The following TAB1 variants were observed in gnomAD, a reference collection of about 807,000 sequenced individuals.
TAB1 encodes TGF-beta activated kinase 1 (MAP3K7) binding protein 1, also known as TGF-beta-activated kinase 1 and MAP3K7-binding protein 1.
Under a neutral mutation model 54.5 loss-of-function variants are expected in TAB1, and 30 were observed. That is an observed-to-expected ratio of 0.55 (90% confidence interval 0.41 to 0.75). The LOEUF is 0.75. TAB1 is among the 30% of genes least tolerant of loss of function. The probability of loss-of-function intolerance (pLI) is 0.00; values close to 1 mark genes in which losing one functional copy is unlikely to be tolerated. For missense variants in TAB1, 609 were observed against 683.2 expected (o/e 0.89, Z 1.21); for synonymous variants, 289 against 286.9 (o/e 1.01, Z -0.07).
At chr22:39,409,814 T>C (rs1389786268) in intron 1 of TAB1, among the ~76,000 whole-genome samples, 1 of 152,180 alleles carries the variant, frequency 6.6e-6, no homozygotes, top group Non-Finnish European at 1.5e-5. Flanking sequence ...GCCTTATTAT[T>C]GTATTGTGTG....
chr22:39,418,915 G>A, intron 6 of TAB1, 70 bp downstream of exon 6: 3 of 1,264,862 alleles, frequency 2.4e-6, no homozygotes, highest in Non-Finnish European at 1.2e-6. Flanking sequence ...TGGTGGTGGG[G>A]TAGAGAGGCG....
chr22:39,419,680 A>C (rs746764765), intron 7 of TAB1, 50 bp downstream of exon 7: 1 of 1,350,962 alleles, frequency 7.4e-7, no homozygotes, highest in East Asian at 2.4e-5. Context: ...AGAAGGTCCT[A>C]GGGAGGCCAA....
At chr22:39,410,260 A>G (rs1458852363) in intron 1 of TAB1, among the ~76,000 whole-genome samples, 3 of 152,146 alleles carry the variant, frequency 2.0e-5, no homozygotes, top group Admixed American at 2.0e-4. Context: ...GGTGCGCACC[A>G]CCACGCCTGG....
chr22:39,436,581 G>A (rs13058220), downstream of TAB1: 290 of 1,607,674 alleles, frequency 1.8e-4, no homozygotes, highest in Admixed American at 3.0e-4. Context: ...GGAAGGAAGC[G>A]CCTACACCAA....
At chr22:39,436,487 C>T (rs780368951), downstream of TAB1, 50 of 1,612,716 alleles carry the variant, frequency 3.1e-5, no homozygotes, top group South Asian at 5.1e-4. Flanking sequence ...TCCTGATTTT[C>T]AGAGACCCTT....
chr22:39,423,112 A>G (rs528187464), intron 8 of TAB1, among the ~76,000 whole-genome samples: 2 of 151,864 alleles, frequency 1.3e-5, no homozygotes, highest in Admixed American at 1.3e-4. Context: ...AGCTGGAACT[A>G]TAGGTGTGTG....
rs1568987344 is a variant in TAB1 at position 39,428,101 on chromosome 22, C to A, written c.1225C>A (p.Leu409Ile). ...STSKTSVTLS[L>I]VMPSQGQMVN... ...CAGCAAGACCAGCGTGACCCTCTCC[C>A]TTGTCATGCCCTCCCAGGGCCAGAT... The change falls in exon 10 of 11, where the codon CTT becomes ATT. Residue 409 changes from leucine (L) to isoleucine (I), a missense_variant. Transcript: ENST00000216160. The A allele has an allele frequency of 1.9e-6, 3 of 1,613,810 alleles. No individual in the cohort carries two copies. The African/African-American group carries it at 4.0e-5, about 22-fold the overall frequency.
chr22:39,426,516 G>A (rs1927344574), intron 8 of TAB1, among the ~76,000 whole-genome samples, 187 bp from the exon 9 acceptor site: 1 of 152,244 alleles, frequency 6.6e-6, no homozygotes, highest in Non-Finnish European at 1.5e-5. Context: ...TTCCTAATGA[G>A]AAAGTTCCAG....
chr22:39,412,607 T>C (rs1926655463), intron 1 of TAB1, among the ~76,000 whole-genome samples: 1 of 152,002 alleles, frequency 6.6e-6, no homozygotes, highest in South Asian at 2.1e-4. Flanking sequence ...CCAAAATAGA[T>C]AAAAGCAGAA....
At position 39,420,277 on chromosome 22, in the gene TAB1, C is replaced by T. The variant is rs74461649; in HGVS notation, c.776+647C>T. Among the ~76,000 whole-genome samples, 16 of 152,310 alleles carry T rather than the reference C, an allele frequency of 1.1e-4. No homozygotes were observed. In the East Asian group the frequency reaches 2.9e-3, roughly 28 times the overall value. ...ACTGCCATCACCCCAGAGGCATTTT[C>T]ATAAGAGGAAACTGAGGCATGGAGA... is the stretch of plus-strand genomic sequence containing the variant. On this transcript the variant is annotated intron_variant, in intron 7 of 10. Coordinates refer to ENST00000216160, the MANE Select transcript of TAB1 (RefSeq NM_006116.3).
At chr22:39,419,697 A>G (rs535525065) in intron 7 of TAB1, 67 bp downstream of exon 7, 13 of 1,153,392 alleles carry the variant, frequency 1.1e-5, no homozygotes, top group Middle Eastern at 2.8e-4. Context: ...CCAAGATGGG[A>G]GGATTGATTG....
At chr22:39,423,481 T>C (rs1275473794) in intron 8 of TAB1, among the ~76,000 whole-genome samples, 1 of 152,160 alleles carries the variant, frequency 6.6e-6, no homozygotes, top group Non-Finnish European at 1.5e-5. Context: ...GGCAGGCACC[T>C]GTAATCCCAG....
At chr22:39,400,546 C>T (rs1926092847) in intron 1 of TAB1, among the ~76,000 whole-genome samples, 1 of 152,212 alleles carries the variant, frequency 6.6e-6, no homozygotes. Context: ...TCATCCCTAC[C>T]CCCGGTCTGG....
rs1158844525 is a variant in TAB1 at position 39,426,870 on chromosome 22, G to A, written c.1089G>A (p.Arg363=). ...PRHEDMTLLV[R]NFGYPLGEMS... is the part of the protein sequence containing the mutation. ...ACGAGGACATGACCCTGCTAGTGAGGAACTTTGGCTACCCGCTGGGCGAAA... is the reference window on the plus strand; with the variant it reads ...ACGAGGACATGACCCTGCTAGTGAGAAACTTTGGCTACCCGCTGGGCGAAA... The change falls in exon 9 of 11, where the codon AGG becomes AGA. Residue 363 remains arginine (R), a synonymous_variant. Transcript: ENST00000216160. 1.2e-6 allele frequency: 2 copies of A among 1,613,236 alleles called. No individual in the cohort carries two copies. Among genetic ancestry groups the A allele is most frequent in the East Asian group, 4.5e-5 (2 of 44,878 alleles).
chr22:39,414,388 A>G (rs987744215), intron 1 of TAB1, among the ~76,000 whole-genome samples: 5 of 152,210 alleles, frequency 3.3e-5, no homozygotes, highest in African/African-American at 1.2e-4. Context: ...AAACTAGCTC[A>G]TAAACTCCGA....
Position 39,419,514 on chromosome 22 carries a change from C to T in TAB1, c.665-5C>T, listed in dbSNP as rs143038976. Reference sequence around the variant, plus strand: ...GCAGGATTGTTGCACTGTTTCCCTCCGTAGGCTTGGATGCTGGAAAGATCA... The same window carrying T: ...GCAGGATTGTTGCACTGTTTCCCTCTGTAGGCTTGGATGCTGGAAAGATCA... On this transcript the variant is annotated splice_polypyrimidine_tract_variant and splice_region_variant and intron_variant, in intron 6 of 10. Transcript: ENST00000216160. 4.7e-4 allele frequency: 749 copies of T among 1,598,560 alleles called. 3 individuals carry two copies. The African/African-American group carries it at 8.3e-3, about 18-fold the overall frequency.
At chr22:39,425,324 A>C (rs1927273073) in intron 8 of TAB1, among the ~76,000 whole-genome samples, 1 of 151,938 alleles carries the variant, frequency 6.6e-6, no homozygotes, top group Admixed American at 6.6e-5. Context: ...TGGAACTTGC[A>C]GTGAGCTGAG....
rs1443104669 is a variant in TAB1 at position 39,401,932 on chromosome 22, G to C, written c.33+2097G>C. Among the ~76,000 whole-genome samples, 3 of 152,186 alleles carry C rather than the reference G, an allele frequency of 2.0e-5. No homozygotes were observed. The East Asian group carries it at 5.8e-4, about 29-fold the overall frequency. ...TGGCTGTGAGGGCTGCTGGTCTGTGGCTACTGGGCAAATATGAATGAGGCG... is the reference window on the plus strand; with the variant it reads ...TGGCTGTGAGGGCTGCTGGTCTGTGCCTACTGGGCAAATATGAATGAGGCG... On this transcript the variant is annotated intron_variant, in intron 1 of 10. Coordinates refer to ENST00000216160, the MANE Select transcript of TAB1 (RefSeq NM_006116.3).
At chr22:39,413,893 G>C (rs967537180) in intron 1 of TAB1, among the ~76,000 whole-genome samples, 2 of 152,190 alleles carry the variant, frequency 1.3e-5, no homozygotes, top group African/African-American at 4.8e-5. Context: ...AATTGCACCT[G>C]GGCCTTGCAT....
Sources: allele counts gnomAD v4.1 joint callset (sites outside exome capture counted in the v4.1 genomes callset), GRCh38; gene constraint gnomAD v4.1.1; transcripts MANE v1.5; gene names NCBI Gene and HGNC (gene_info 2026-07-23, HGNC 2026-07-21).